The following MBNL2 variants were observed in gnomAD, a reference collection of about 807,000 sequenced individuals.
The protein encoded by MBNL2 is muscleblind-like protein 2.
A neutral mutation model predicts 41.9 loss-of-function variants in MBNL2; 17 were observed. The observed-to-expected ratio is 0.41, with a 90% confidence interval of 0.28 to 0.61. The LOEUF is 0.61. MBNL2 is among the 20% of genes least tolerant of loss of function. The probability of loss-of-function intolerance (pLI) is 0.35; values close to 1 mark genes in which losing one functional copy is unlikely to be tolerated. For synonymous variants in MBNL2, 195 were observed against 182.9 expected (o/e 1.07, Z -0.53); for missense variants, 336 against 505.6 (o/e 0.66, Z 3.22).
chr13:97,387,513 T>C (rs879558169), intron 8 of MBNL2, among the ~76,000 whole-genome samples: 1 of 152,138 alleles, frequency 6.6e-6, no homozygotes, highest in Non-Finnish European at 1.5e-5. Flanking sequence ...CCCCAGGGCC[T>C]CGCCTTCCCC....
chr13:97,186,705 C>A, the MBNL2 span, among the ~76,000 whole-genome samples: 2 of 152,102 alleles, frequency 1.3e-5, no homozygotes, highest in African/African-American at 4.8e-5. Flanking sequence ...ATCTGGAGAT[C>A]ACAGCAAATC....
intron 2 of MBNL2, among the ~76,000 whole-genome samples, chr13:97,327,553 T>G (rs1402210532): frequency 8.0e-6 from 1 of 124,508 alleles, no homozygotes; most frequent in African/African-American, 3.4e-5. Flanking sequence ...CTATTATACG[T>G]TATTTGTAAA....
chr13:97,168,495 C>G, the MBNL2 span, among the ~76,000 whole-genome samples: 1 of 152,018 alleles, frequency 6.6e-6, no homozygotes, highest in Non-Finnish European at 1.5e-5. Context: ...TTTATTTTTT[C>G]CCCTGGGACT....
At position 97,253,960 on chromosome 13, in the gene MBNL2, G is replaced by T. The variant is rs564012400; in HGVS notation, c.-604-21672G>T. Among the ~76,000 whole-genome samples the T allele has an allele frequency of 2.0e-5, 3 of 151,916 alleles. 1 individual carries two copies. The South Asian group carries it at 6.2e-4, about 32-fold the overall frequency. Reference sequence around the variant, plus strand: ...TGCCCAGTACAGTGGCATGATCTTCGCTCACTGCAACCTCCGCCTCCTGGG... The same window carrying T: ...TGCCCAGTACAGTGGCATGATCTTCTCTCACTGCAACCTCCGCCTCCTGGG... On this transcript the variant is annotated intron_variant, in intron 1 of 8. Transcript: ENST00000679496.
intron 1 of MBNL2, among the ~76,000 whole-genome samples, chr13:97,241,868 A>G (rs2044348283): frequency 6.6e-6 from 1 of 152,138 alleles, no homozygotes; most frequent in Admixed American, 6.5e-5. Flanking sequence ...TGTTGAGCTT[A>G]GAAGGATGCC....
the MBNL2 span, among the ~76,000 whole-genome samples, chr13:97,166,894 C>T: frequency 3.4e-5 from 5 of 149,232 alleles, no homozygotes; most frequent in African/African-American, 9.8e-5. Context: ...AGAACCTTGG[C>T]TAATACAACA....
At chr13:97,388,336 T>TATATATATATA (rs2066107907) in intron 8 of MBNL2, among the ~76,000 whole-genome samples, 4 of 148,994 alleles carry the variant, frequency 2.7e-5, no homozygotes, top group African/African-American at 4.9e-5. Context: ...TATATATATA[T>TATATATATATA]CATTGGTATG....
At chr13:97,216,950 T>C (rs923636886), upstream of MBNL2, among the ~76,000 whole-genome samples, 8 of 149,148 alleles carry the variant, frequency 5.4e-5, no homozygotes, top group African/African-American at 4.9e-5. Context: ...ATATGCATAT[T>C]ATATACATAA....
At chr13:97,283,770 G>T (rs899357118) in intron 2 of MBNL2, among the ~76,000 whole-genome samples, 4 of 152,254 alleles carry the variant, frequency 2.6e-5, no homozygotes, top group African/African-American at 9.6e-5. Flanking sequence ...GTCAAGAGTA[G>T]CACCAAATTC....
chr13:97,379,930 T>C (rs1206822854), intron 8 of MBNL2, among the ~76,000 whole-genome samples: 2 of 152,128 alleles, frequency 1.3e-5, no homozygotes, highest in African/African-American at 2.4e-5. Context: ...TTTTAAAAAA[T>C]AGACAAAAGA....
In MBNL2 at chr13:97,338,221, C is replaced by A. The variant is rs568441919; in HGVS notation, c.339+3781C>A. Among the ~76,000 whole-genome samples the A allele has an allele frequency of 3.9e-5, 6 of 152,202 alleles. No homozygotes were observed. In the South Asian group the frequency reaches 1.2e-3, roughly 32 times the overall value. ...CATTGCTGGGTGAACACACACAGCT[C>A]GTGTGTGTCCCAGCCTCTGCCTCTG... is the stretch of plus-strand genomic sequence containing the variant. On this transcript the variant is annotated intron_variant, in intron 3 of 8. Coordinates refer to ENST00000679496, the MANE Select transcript of MBNL2 (RefSeq NM_001382683.1).
At chr13:97,297,679 C>G (rs1468803235) in intron 2 of MBNL2, among the ~76,000 whole-genome samples, 2 of 152,152 alleles carry the variant, frequency 1.3e-5, no homozygotes, top group Non-Finnish European at 2.9e-5. Flanking sequence ...CACTCTGCAA[C>G]AATAGAGACT....
At chr13:97,218,618 C>T (rs1239660421), upstream of MBNL2, among the ~76,000 whole-genome samples, 1 of 151,958 alleles carries the variant, frequency 6.6e-6, no homozygotes, top group East Asian at 1.9e-4. Context: ...CTTCTTGCTA[C>T]TTGTTCTTTA....
At position 97,276,225 on chromosome 13, in the gene MBNL2, A is replaced by G. The variant is rs746232646; in HGVS notation, c.-11A>G. 2.5e-6 allele frequency: 4 copies of G among 1,608,270 alleles called. No homozygotes were observed. The highest frequency in any genetic ancestry group is 3.4e-6 in the Non-Finnish European group (4 of 1,175,962). ...TTAACAGAAACAAACAGCCCAAATT[A>G]CTTTATCACCATGGCTTTGAACGTT... On this transcript the variant is annotated 5_prime_UTR_variant, in exon 2 of 9. Coordinates refer to ENST00000679496, the MANE Select transcript of MBNL2 (RefSeq NM_001382683.1).
chr13:97,264,026 T>C (rs1322581375), intron 1 of MBNL2, among the ~76,000 whole-genome samples: 2 of 149,740 alleles, frequency 1.3e-5, no homozygotes, highest in African/African-American at 2.5e-5. Flanking sequence ...TTTTTTTTTT[T>C]TTGAGATGGA....
At chr13:97,296,834 C>CT (rs1197256413) in intron 2 of MBNL2, among the ~76,000 whole-genome samples, 33 of 152,164 alleles carry the variant, frequency 2.2e-4, no homozygotes, top group Admixed American at 7.9e-4. Flanking sequence ...GAAGAAAGTT[C>CT]TATAGACAAG....
At chr13:97,361,876 T>A (rs1467728125) in intron 7 of MBNL2, among the ~76,000 whole-genome samples, 1 of 150,158 alleles carries the variant, frequency 6.7e-6, no homozygotes, top group Non-Finnish European at 1.5e-5. Flanking sequence ...TTCAAGAGGT[T>A]CTCTTGCCTC....
chr13:97,209,557 A>T, the MBNL2 span, among the ~76,000 whole-genome samples: 2 of 152,226 alleles, frequency 1.3e-5, no homozygotes, highest in Non-Finnish European at 1.5e-5. Flanking sequence ...AATATTGAAG[A>T]CATAAAGATA....
chr13:97,345,227 C>G (rs1218345664), intron 4 of MBNL2, among the ~76,000 whole-genome samples: 2 of 152,166 alleles, frequency 1.3e-5, no homozygotes, highest in Non-Finnish European at 2.9e-5. Context: ...CATATAACAT[C>G]ACTAATGATC....
Sources: gnomAD v4.1 joint callset for allele counts (sites outside exome capture counted in the v4.1 genomes callset) on GRCh38, gnomAD v4.1.1 for gene constraint, MANE v1.5 for transcripts, NCBI Gene and HGNC (gene_info 2026-07-23, HGNC 2026-07-21) for gene names.